RNF125: variants seen among roughly 807,000 people sequenced by gnomAD.
RNF125 encodes the protein ring finger protein 125.
A neutral mutation model predicts 26.0 loss-of-function variants in RNF125; 21 were observed. The ratio of observed to expected loss-of-function variants is 0.81; its 90% CI spans 0.57 to 1.16. RNF125 has a LOEUF of 1.16. RNF125 is among the 50% of genes most tolerant of loss of function. The probability of loss-of-function intolerance (pLI) is 0.00; values close to 1 mark genes in which losing one functional copy is unlikely to be tolerated. For synonymous variants in RNF125, 95 were observed against 109.2 expected (o/e 0.87, Z 0.81); for missense variants, 270 against 299.4 (o/e 0.90, Z 0.72).
chr18:32,025,011 C>T (rs2039019680), intron 1 of RNF125, among the ~76,000 whole-genome samples: 2 of 152,064 alleles, frequency 1.3e-5, no homozygotes, highest in Non-Finnish European at 1.5e-5. Context: ...TTGCAGTGAG[C>T]TGAGATCGCA....
intron 1 of RNF125, among the ~76,000 whole-genome samples, chr18:32,023,260 G>A (rs2039002345): frequency 6.6e-6 from 1 of 152,122 alleles, no homozygotes; most frequent in Non-Finnish European, 1.5e-5. Flanking sequence ...TCAAGTGACT[G>A]TCCCGCCTCA....
chr18:32,058,051 A>G (rs1007005063), intron 4 of RNF125, among the ~76,000 whole-genome samples: 12 of 151,538 alleles, frequency 7.9e-5, no homozygotes, highest in African/African-American at 2.9e-4. Context: ...AGGGTTACTT[A>G]AAGCCAGGAG....
chr18:32,037,933 A>AC (rs2039175923), intron 2 of RNF125, among the ~76,000 whole-genome samples: 1 of 151,204 alleles, frequency 6.6e-6, no homozygotes, highest in African/African-American at 2.4e-5. Context: ...AAAGCTGGCC[A>AC]CCCCAGCTAG....
intron 2 of RNF125, among the ~76,000 whole-genome samples, chr18:32,039,914 G>A (rs964137093): frequency 6.6e-6 from 1 of 151,774 alleles, no homozygotes; most frequent in African/African-American, 2.4e-5. Context: ...CGAGTAGCTG[G>A]GACTACAGGC....
intron 4 of RNF125, among the ~76,000 whole-genome samples, chr18:32,061,534 C>T (rs1401818622): frequency 3.9e-5 from 6 of 152,200 alleles, no homozygotes; most frequent in African/African-American, 9.6e-5. Context: ...ACTTTCCCTA[C>T]CTTCAGTTAC....
chr18:32,057,213 G>A (rs981404920), intron 4 of RNF125, among the ~76,000 whole-genome samples: 1 of 152,030 alleles, frequency 6.6e-6, no homozygotes, highest in African/African-American at 2.4e-5. Context: ...GCAGAACAGA[G>A]GAAACAACCA....
chr18:32,064,400 T>C (rs527802069), intron 4 of RNF125, among the ~76,000 whole-genome samples: 4 of 119,588 alleles, frequency 3.3e-5, no homozygotes, highest in South Asian at 5.5e-4. Context: ...CTTTTTCTTT[T>C]TTTTTTTTTT....
chr18:32,084,613 A>G, the RNF125 span, among the ~76,000 whole-genome samples: 2 of 152,344 alleles, frequency 1.3e-5, no homozygotes, highest in East Asian at 3.9e-4. Flanking sequence ...CTGTGTTAAC[A>G]TGCCTTCCAA....
downstream of RNF125, among the ~76,000 whole-genome samples, chr18:32,074,715 G>T (rs995207839): frequency 6.6e-6 from 1 of 152,028 alleles, no homozygotes; most frequent in Non-Finnish European, 1.5e-5. Context: ...GCTAATTTTT[G>T]TATTTTTAGT....
intron 1 of RNF125, among the ~76,000 whole-genome samples, chr18:32,031,903 T>C (rs1215313468): frequency 5.3e-5 from 8 of 150,668 alleles, no homozygotes; most frequent in Non-Finnish European, 8.9e-5. Context: ...AGCACTTTCT[T>C]TTTTTTTTGA....
the RNF125 span, among the ~76,000 whole-genome samples, chr18:32,090,665 C>T: frequency 1.3e-5 from 2 of 152,156 alleles, no homozygotes; most frequent in African/African-American, 4.8e-5. Flanking sequence ...TTGGCAAATA[C>T]CATTTTTTCT....
chr18:32,025,664 CAAAAAAAAAAAAAAAAA>C (rs34054474), intron 1 of RNF125, among the ~76,000 whole-genome samples: 4 of 65,204 alleles, frequency 6.1e-5, no homozygotes, highest in African/African-American at 1.7e-4. Context: ...AACTCTGTCT[CAAAAAAAAAAAAAAAAA>C]AAAAAAAGAA....
At chr18:32,021,875 A>G (rs1368441261) in intron 1 of RNF125, among the ~76,000 whole-genome samples, 3 of 152,254 alleles carry the variant, frequency 2.0e-5, no homozygotes, top group Non-Finnish European at 4.4e-5. Context: ...GTCATAAAAT[A>G]GCATTACAAG....
intron 2 of RNF125, among the ~76,000 whole-genome samples, chr18:32,040,273 T>TC (rs1392455591): frequency 1.1e-4 from 15 of 140,224 alleles, no homozygotes; most frequent in South Asian, 6.9e-4. Context: ...TTCTTTCTTT[T>TC]TTTTTTTTTT....
intron 1 of RNF125, among the ~76,000 whole-genome samples, chr18:32,034,526 T>C (rs1335750396): frequency 6.6e-6 from 1 of 152,166 alleles, no homozygotes; most frequent in Non-Finnish European, 1.5e-5. Context: ...TGATCTTTCT[T>C]GGGAGTGTAT....
rs59263221 is a variant in RNF125, at chr18:32,036,154, C to CA, written c.165-946dup. On this transcript the variant is annotated intron_variant, in intron 1 of 5. Transcript: ENST00000217740. ...GGGTGACAAGAGCAAGACTCCATCTCAAAAAAAAAAAAAAAAGAGAAGGAA... is the reference window on the plus strand; with the variant it reads ...GGGTGACAAGAGCAAGACTCCATCTCAAAAAAAAAAAAAAAAAGAGAAGGAA... Among the ~76,000 whole-genome samples the CA allele has an allele frequency of 9.1e-3, 1,093 of 120,404 alleles. 13 individuals are homozygous for CA. The highest frequency in any genetic ancestry group is 0.027 in the African/African-American group (887 of 32,418). The allele number at this position is 120,404 out of a possible 152,430, so 79.0% of individuals were successfully genotyped here.
intron 3 of RNF125, among the ~76,000 whole-genome samples, 161 bp from the exon 4 acceptor site, chr18:32,045,481 C>T (rs1264568343): frequency 6.6e-6 from 1 of 150,500 alleles, no homozygotes; most frequent in African/African-American, 2.5e-5. Flanking sequence ...ATCCCTTGAA[C>T]CCGGGAGGTG....
intron 1 of RNF125, among the ~76,000 whole-genome samples, chr18:32,028,939 A>C (rs940179086): frequency 1.1e-4 from 16 of 152,270 alleles, no homozygotes; most frequent in East Asian, 7.7e-4. Flanking sequence ...ATTTTTATGA[A>C]TATTTAAAAT....
rs148539875 is a variant in RNF125, at chr18:32,054,254, G to A, written c.504+8522G>A. Reference sequence around the variant, plus strand: ...GATTACAGGCGTGCGCCACCATGCCGGCTAATTTTTGTATTTTTAGTAGAA... The same window carrying A: ...GATTACAGGCGTGCGCCACCATGCCAGCTAATTTTTGTATTTTTAGTAGAA... On this transcript the variant is annotated intron_variant, in intron 4 of 5. Coordinates refer to ENST00000217740, the MANE Select transcript of RNF125 (RefSeq NM_017831.4). 7.5e-3 allele frequency among the ~76,000 whole-genome samples: 1,135 copies of A among 151,844 alleles called. 23 individuals are homozygous for A. The highest frequency in any genetic ancestry group is 0.026 in the African/African-American group (1,077 of 41,418).
Sources: allele counts gnomAD v4.1 joint callset (sites outside exome capture counted in the v4.1 genomes callset), GRCh38; gene constraint gnomAD v4.1.1; transcripts MANE v1.5; gene names NCBI Gene and HGNC (gene_info 2026-07-23, HGNC 2026-07-21).